RPS6KC1: variants seen among roughly 807,000 people sequenced by gnomAD.
The protein encoded by RPS6KC1 is ribosomal protein S6 kinase C1, also known as inactive ribosomal protein S6 kinase delta-1.
A neutral mutation model predicts 103.8 loss-of-function variants in RPS6KC1; 54 were observed. That is an observed-to-expected ratio of 0.52 (90% CI 0.42 to 0.65). RPS6KC1 has a LOEUF of 0.65. RPS6KC1 is among the 30% of genes least tolerant of loss of function. The pLI is 0.00. For missense variants in RPS6KC1, 1,151 were observed against 1,253.8 expected (o/e 0.92, Z 1.24); for synonymous variants, 439 against 438.7 (o/e 1.00, Z -0.01).
intron 1 of RPS6KC1, among the ~76,000 whole-genome samples, chr1:213,063,695 A>C (rs1446040018): frequency 6.6e-6 from 1 of 152,204 alleles, no homozygotes; most frequent in Non-Finnish European, 1.5e-5. Context: ...GTCTTTGGGA[A>C]ATACTATGTA....
chr1:213,850,771 A>G, the RPS6KC1 span, among the ~76,000 whole-genome samples: 1 of 146,020 alleles, frequency 6.8e-6, no homozygotes, highest in Non-Finnish European at 1.5e-5. Context: ...CAGCCCCAAC[A>G]TCTCCCAATG....
At chr1:213,291,320 G>A in the RPS6KC1 span, among the ~76,000 whole-genome samples, 4 of 152,142 alleles carry the variant, frequency 2.6e-5, no homozygotes, top group African/African-American at 9.7e-5. Context: ...AGGAGAAACC[G>A]CCCCTCTCTG....
At chr1:213,266,616 AG>A (rs1385048710) in intron 14 of RPS6KC1, among the ~76,000 whole-genome samples, 1 of 152,180 alleles carries the variant, frequency 6.6e-6, no homozygotes, top group African/African-American at 2.4e-5. Flanking sequence ...CTTAAAAAAC[AG>A]CTGAACTGGC....
chr1:213,489,678 G>C, the RPS6KC1 span, among the ~76,000 whole-genome samples: 2 of 152,210 alleles, frequency 1.3e-5, no homozygotes, highest in Non-Finnish European at 2.9e-5. Context: ...CAGGGAGGCA[G>C]GGACTCAGAA....
the RPS6KC1 span, among the ~76,000 whole-genome samples, chr1:213,785,230 A>G: frequency 0.019 from 2,883 of 152,232 alleles, 82 homozygotes; most frequent in African/African-American, 0.065. Flanking sequence ...CATATCAATG[A>G]TTGCTTAATA....
At chr1:213,146,900 C>T (rs1252799649) in intron 6 of RPS6KC1, among the ~76,000 whole-genome samples, 4 of 152,112 alleles carry the variant, frequency 2.6e-5, no homozygotes, top group East Asian at 3.9e-4. Flanking sequence ...TTTAACTGGG[C>T]GGGGATAATA....
the RPS6KC1 span, among the ~76,000 whole-genome samples, chr1:213,452,114 A>G: frequency 6.6e-6 from 1 of 152,108 alleles, no homozygotes; most frequent in African/African-American, 2.4e-5. Flanking sequence ...GTTCCCTCAC[A>G]CTTTTGAATC....
At chr1:213,824,437 T>G in the RPS6KC1 span, among the ~76,000 whole-genome samples, 18 of 152,032 alleles carry the variant, frequency 1.2e-4, no homozygotes, top group Non-Finnish European at 2.5e-4. Context: ...ACCTGAGAGG[T>G]AGCACCTAAA....
the RPS6KC1 span, among the ~76,000 whole-genome samples, chr1:213,857,159 G>A: frequency 6.6e-6 from 1 of 152,146 alleles, no homozygotes; most frequent in Admixed American, 6.6e-5. Context: ...GGAGTGTTTT[G>A]GAGTGATGTG....
chr1:213,684,286 A>G, the RPS6KC1 span, among the ~76,000 whole-genome samples: 1 of 152,116 alleles, frequency 6.6e-6, no homozygotes, highest in Non-Finnish European at 1.5e-5. Context: ...TGTTATTACT[A>G]TTATTTAAAT....
At chr1:213,792,778 T>G in the RPS6KC1 span, among the ~76,000 whole-genome samples, 1 of 152,092 alleles carries the variant, frequency 6.6e-6, no homozygotes, top group Non-Finnish European at 1.5e-5. Flanking sequence ...AACAACATTT[T>G]CACAGCAACT....
rs192358720 is a variant in RPS6KC1, at chr1:213,099,866, G to A, written c.263-4588G>A. Among the ~76,000 whole-genome samples, 40 of 152,260 alleles carry A rather than the reference G, an allele frequency of 2.6e-4. No homozygotes were observed. In the East Asian group the frequency reaches 6.7e-3, roughly 26 times the overall value. On this transcript the variant is annotated intron_variant, in intron 3 of 14. Transcript: ENST00000366960. ...GTTTAGTTTAAATGTACCACAGTCT[G>A]TTTATCCACTGTTCTATCAATGGGC...
the RPS6KC1 span, among the ~76,000 whole-genome samples, chr1:213,331,494 C>T: frequency 4.1e-4 from 63 of 152,298 alleles, no homozygotes; most frequent in Admixed American, 1.3e-3. Context: ...TGGCCAGTGC[C>T]GGTGCAGAGA....
chr1:213,310,324 T>C, the RPS6KC1 span, among the ~76,000 whole-genome samples: 3 of 152,222 alleles, frequency 2.0e-5, no homozygotes, highest in Non-Finnish European at 4.4e-5. Flanking sequence ...ACCATCTGGC[T>C]CCTGCTCACC....
the RPS6KC1 span, among the ~76,000 whole-genome samples, chr1:213,726,270 G>C: frequency 6.6e-6 from 1 of 152,134 alleles, no homozygotes; most frequent in African/African-American, 2.4e-5. Context: ...TTTTTCTGGA[G>C]AGAGGGGTTG....
the RPS6KC1 span, among the ~76,000 whole-genome samples, chr1:213,810,850 T>C: frequency 1.3e-5 from 2 of 152,200 alleles, no homozygotes; most frequent in African/African-American, 4.8e-5. Context: ...AAAATAAAGC[T>C]CAGAGATATC....
chr1:213,257,664 T>C (rs962462749), intron 12 of RPS6KC1, among the ~76,000 whole-genome samples: 2 of 152,162 alleles, frequency 1.3e-5, no homozygotes, highest in Admixed American at 1.3e-4. Flanking sequence ...GCTATCATTA[T>C]TGCAATGTGT....
chr1:213,732,386 A>G, the RPS6KC1 span, among the ~76,000 whole-genome samples: 1 of 149,674 alleles, frequency 6.7e-6, no homozygotes, highest in Admixed American at 6.8e-5. Context: ...TAAGCCTAAA[A>G]TAGAAAAAGC....
chr1:213,369,596 G>A, the RPS6KC1 span, among the ~76,000 whole-genome samples: 1 of 152,202 alleles, frequency 6.6e-6, no homozygotes, highest in East Asian at 1.9e-4. Context: ...AACCTGCGTG[G>A]TGTCAGTGAA....
Sources: gnomAD v4.1 joint callset for allele counts (sites outside exome capture counted in the v4.1 genomes callset) on GRCh38, gnomAD v4.1.1 for gene constraint, MANE v1.5 for transcripts, NCBI Gene and HGNC (gene_info 2026-07-23, HGNC 2026-07-21) for gene names.